The following PPP4R4 variants were observed in gnomAD, a reference collection of about 807,000 sequenced individuals.
The protein encoded by PPP4R4 is protein phosphatase 4 regulatory subunit 4, also known as serine/threonine-protein phosphatase 4 regulatory subunit 4.
A neutral mutation model predicts 121.8 loss-of-function variants in PPP4R4; 70 were observed. The ratio of observed to expected loss-of-function variants is 0.57; its 90% CI spans 0.47 to 0.70. The LOEUF is 0.70. Ranked by LOEUF, PPP4R4 falls within the 30% of genes least tolerant of loss-of-function variation. PPP4R4 has a pLI of 0.00. For missense variants in PPP4R4, 875 were observed against 1,033.6 expected (o/e 0.85, Z 2.10); for synonymous variants, 348 against 355.7 (o/e 0.98, Z 0.24).
rs193133475 is a variant in PPP4R4, at chr14:94,259,329, A to C, written c.2087A>C (p.Asp696Ala). The change falls in exon 19 of 25, where the codon GAT (aspartate) becomes GCT (alanine). Residue 696 changes from aspartate to alanine, a missense_variant. By Grantham distance (126) the Asp-to-Ala change is moderately radical (BLOSUM62 -2). Coordinates refer to ENST00000304338, the MANE Select transcript of PPP4R4 (RefSeq NM_058237.2). ...AAGTTTTATGAGAAAGATTTGTTGGATCAAGAGAAAGAAAGAGAAGAACTA... is the reference window on the plus strand; with the variant it reads ...AAGTTTTATGAGAAAGATTTGTTGGCTCAAGAGAAAGAAAGAGAAGAACTA... ...QKKFYEKDLL[D>A]QEKEREELLL... The C allele has an allele frequency of 3.2e-5, 52 of 1,611,020 alleles. No homozygotes were observed. The East Asian group carries it at 9.8e-4, about 30-fold the overall frequency.
intron 3 of PPP4R4, among the ~76,000 whole-genome samples, chr14:94,212,784 A>T (rs1289046488): frequency 1.3e-5 from 2 of 152,178 alleles, no homozygotes; most frequent in African/African-American, 2.4e-5. Context: ...GTCAAGATAA[A>T]TATCCAAAAT....
At chr14:94,247,277 G>A (rs1892944523) in intron 14 of PPP4R4, among the ~76,000 whole-genome samples, 1 of 152,194 alleles carries the variant, frequency 6.6e-6, no homozygotes, top group Non-Finnish European at 1.5e-5. Context: ...AGAAGGCTTG[G>A]GACAAGCCCA....
intron 2 of PPP4R4, among the ~76,000 whole-genome samples, chr14:94,194,143 T>G (rs1889741809): frequency 6.6e-6 from 1 of 152,228 alleles, no homozygotes; most frequent in African/African-American, 2.4e-5. Flanking sequence ...GATAAAATAA[T>G]TAGTAACATT....
At position 94,178,596 on chromosome 14, in the gene PPP4R4, T is replaced by A. The variant is rs1169901476; in HGVS notation, c.191+2469T>A. Among the ~76,000 whole-genome samples the A allele has an allele frequency of 3.3e-5, 5 of 152,264 alleles. No homozygotes were observed. The East Asian group carries it at 9.6e-4, about 29-fold the overall frequency. ...GATAAAAAACAAATTATACTGTTCA[T>A]TGTCTTACCCTGAAATATGACATGT... is the stretch of plus-strand genomic sequence containing the variant. On this transcript the variant is annotated intron_variant, in intron 2 of 24. Coordinates refer to ENST00000304338, the MANE Select transcript of PPP4R4 (RefSeq NM_058237.2).
At chr14:94,239,247 G>A (rs1222190314) in intron 8 of PPP4R4, among the ~76,000 whole-genome samples, 3 of 149,342 alleles carry the variant, frequency 2.0e-5, no homozygotes, top group East Asian at 2.0e-4. Context: ...TGGGCACGAC[G>A]TGCAGGTTTG....
intron 12 of PPP4R4, among the ~76,000 whole-genome samples, chr14:94,245,384 C>T (rs1261237840): frequency 6.6e-6 from 1 of 151,974 alleles, no homozygotes; most frequent in Non-Finnish European, 1.5e-5. Context: ...ACACTAATCT[C>T]TTTTTGAAGG....
chr14:94,245,709 A>G, intron 13 of PPP4R4, 39 bp downstream of exon 13: 1 of 1,414,428 alleles, frequency 7.1e-7, no homozygotes, highest in South Asian at 1.2e-5. Flanking sequence ...AGTTGTGTAA[A>G]TATTATCCTA....
chr14:94,241,716 G>T (rs1892645300), intron 9 of PPP4R4, 72 bp from the exon 10 acceptor site: 8 of 1,166,786 alleles, frequency 6.9e-6, no homozygotes, highest in Non-Finnish European at 9.6e-6. Flanking sequence ...TATTTTTATT[G>T]TACTTTGATT....
intron 23 of PPP4R4, 120 bp downstream of exon 23, chr14:94,267,149 G>A (rs2139649094): frequency 1.7e-6 from 1 of 598,400 alleles, no homozygotes; most frequent in Non-Finnish European, 2.8e-6. Flanking sequence ...TCTTTATCAG[G>A]TCCCTAAGAA....
intron 23 of PPP4R4, among the ~76,000 whole-genome samples, chr14:94,273,873 A>G (rs926986426): frequency 6.6e-6 from 1 of 152,178 alleles, no homozygotes; most frequent in Non-Finnish European, 1.5e-5. Flanking sequence ...AAATTTATAT[A>G]AATTTAAGGC....
chr14:94,243,672 T>C (rs1444719923), intron 11 of PPP4R4, among the ~76,000 whole-genome samples: 1 of 152,162 alleles, frequency 6.6e-6, no homozygotes, highest in African/African-American at 2.4e-5. Flanking sequence ...TAATCATTGA[T>C]CTATATTTGC....
At chr14:94,276,084 A>G (rs1040427799) in intron 24 of PPP4R4, among the ~76,000 whole-genome samples, 1 of 152,176 alleles carries the variant, frequency 6.6e-6, no homozygotes. Flanking sequence ...CTTTTACCTT[A>G]AATATTTAAG....
chr14:94,265,096 A>G (rs1400489549), intron 20 of PPP4R4, 149 bp downstream of exon 20: 1 of 733,882 alleles, frequency 1.4e-6, no homozygotes, highest in Non-Finnish European at 2.2e-6. Context: ...AAAATTGGCC[A>G]CTTAATGTGG....
intron 2 of PPP4R4, among the ~76,000 whole-genome samples, chr14:94,197,210 G>C (rs1465716515): frequency 1.3e-5 from 2 of 152,066 alleles, no homozygotes; most frequent in Non-Finnish European, 2.9e-5. Flanking sequence ...CTTTGTTCTA[G>C]AAGTTTTGAA....
chr14:94,246,260 A>G, intron 13 of PPP4R4, 97 bp from the exon 14 acceptor site: 1 of 986,498 alleles, frequency 1.0e-6, no homozygotes, highest in Non-Finnish European at 1.4e-6. Flanking sequence ...TGAAATGAGA[A>G]GGAGTATTCT....
intron 21 of PPP4R4, 21 bp downstream of exon 21, chr14:94,265,494 A>G (rs1161451972): frequency 6.4e-7 from 1 of 1,570,308 alleles, no homozygotes; most frequent in Admixed American, 1.7e-5. Flanking sequence ...ACTTCTTTTT[A>G]TATCTTTTTG....
chr14:94,203,218 C>G (rs1890286962), intron 2 of PPP4R4, among the ~76,000 whole-genome samples: 1 of 152,104 alleles, frequency 6.6e-6, no homozygotes, highest in South Asian at 2.1e-4. Context: ...CTCCTTAGCC[C>G]CTGGAATTCA....
At chr14:94,218,499 C>T (rs1328823703) in intron 3 of PPP4R4, among the ~76,000 whole-genome samples, 5 of 100,372 alleles carry the variant, frequency 5.0e-5, no homozygotes, top group East Asian at 3.6e-4. Context: ...CCCTAGACAC[C>T]GCACGCGCGC....
chr14:94,190,134 C>G (rs1889516210), intron 2 of PPP4R4, among the ~76,000 whole-genome samples: 1 of 151,706 alleles, frequency 6.6e-6, no homozygotes, highest in Non-Finnish European at 1.5e-5. Flanking sequence ...CTGACTTAGC[C>G]TCTCTAGTAG....
Sources: gnomAD v4.1 joint callset for allele counts (sites outside exome capture counted in the v4.1 genomes callset) on GRCh38, gnomAD v4.1.1 for gene constraint, MANE v1.5 for transcripts, NCBI Gene and HGNC (gene_info 2026-07-23, HGNC 2026-07-21) for gene names.